The following FAM81B variants were observed in gnomAD, a reference collection of about 807,000 sequenced individuals.
FAM81B encodes protein FAM81B.
FAM81B carries 60 observed loss-of-function variants against 58.7 expected under a neutral mutation model. The observed-to-expected ratio is 1.02, with a 90% CI of 0.83 to 1.27. FAM81B has a LOEUF of 1.27. FAM81B is among the 50% of genes most tolerant of loss of function. FAM81B has a pLI of 0.00. For synonymous variants in FAM81B, 189 were observed against 179.6 expected (o/e 1.05, Z -0.42); for missense variants, 491 against 522.0 (o/e 0.94, Z 0.58).
chr5:95,423,683 C>T (rs1397128033), intron 5 of FAM81B, among the ~76,000 whole-genome samples: 1 of 151,854 alleles, frequency 6.6e-6, no homozygotes, highest in Non-Finnish European at 1.5e-5. Context: ...CCTCTTATTC[C>T]ACTCCTCTTA....
chr5:95,424,128 C>T, intron 5 of FAM81B: 2 of 1,289,826 alleles, frequency 1.6e-6, no homozygotes, highest in Non-Finnish European at 2.0e-6. Context: ...AGATTTGATA[C>T]TGCAAGCCTG....
chr5:95,407,624 GT>G (rs2152762240), intron 3 of FAM81B, among the ~76,000 whole-genome samples: 1 of 152,208 alleles, frequency 6.6e-6, no homozygotes, highest in Admixed American at 6.5e-5. Context: ...AAACCTAACT[GT>G]TTTTTGTCTG....
intron 3 of FAM81B, among the ~76,000 whole-genome samples, chr5:95,406,803 G>T (rs1213821234): frequency 6.6e-6 from 1 of 152,058 alleles, no homozygotes; most frequent in Non-Finnish European, 1.5e-5. Flanking sequence ...ACCATAGTCA[G>T]CCCGGGATTT....
intron 7 of FAM81B, among the ~76,000 whole-genome samples, chr5:95,441,706 A>T (rs1745360843): frequency 6.6e-6 from 1 of 152,214 alleles, no homozygotes; most frequent in Non-Finnish European, 1.5e-5. Context: ...TAAAAGCTAC[A>T]GTGTTTTCTG....
chr5:95,420,595 A>G (rs1014660490), intron 5 of FAM81B, among the ~76,000 whole-genome samples, 193 bp downstream of exon 5: 1 of 152,236 alleles, frequency 6.6e-6, no homozygotes, highest in Non-Finnish European at 1.5e-5. Context: ...AAGTTTCTGT[A>G]AAGACCCCTT....
chr5:95,440,496 T>C, intron 7 of FAM81B: 1 of 604,218 alleles, frequency 1.7e-6, no homozygotes, highest in East Asian at 3.8e-5. Context: ...AGGGTTTGCC[T>C]GTTGCTTTAG....
At chr5:95,440,482 A>G in intron 7 of FAM81B, 3 of 625,034 alleles carry the variant, frequency 4.8e-6, no homozygotes, top group Non-Finnish European at 6.2e-6. Flanking sequence ...GGCAAATCAA[A>G]CAGAGGGTTT....
chr5:95,435,278 T>C (rs1243941688), intron 6 of FAM81B, among the ~76,000 whole-genome samples: 2 of 152,188 alleles, frequency 1.3e-5, no homozygotes, highest in Non-Finnish European at 2.9e-5. Flanking sequence ...TTTGTTGCTT[T>C]TTTTTTACTC....
chr5:95,440,437 T>C (rs1745288752), intron 7 of FAM81B: 3 of 650,142 alleles, frequency 4.6e-6, no homozygotes, highest in South Asian at 1.4e-5. Flanking sequence ...ATTCGAATTT[T>C]GGTTCAGGAG....
intron 9 of FAM81B, chr5:95,448,741 T>C: frequency 2.1e-6 from 1 of 483,696 alleles, no homozygotes; most frequent in South Asian, 1.7e-5. Flanking sequence ...TTTTACTAAT[T>C]CATGGAATTG....
At chr5:95,418,087 G>A (rs111886118) in intron 4 of FAM81B, among the ~76,000 whole-genome samples, 1,779 of 152,182 alleles carry the variant, frequency 0.012, 39 homozygotes, top group African/African-American at 0.041. Flanking sequence ...GTGTTCAATC[G>A]TGTGCTGTTC....
intron 3 of FAM81B, among the ~76,000 whole-genome samples, chr5:95,407,409 C>G (rs535322454): frequency 1.4e-5 from 2 of 147,306 alleles, no homozygotes; most frequent in African/African-American, 5.1e-5. Flanking sequence ...CACACACACA[C>G]GCACACACAC....
chr5:95,394,157 T>G (rs1761903570), intron 2 of FAM81B, among the ~76,000 whole-genome samples: 1 of 152,240 alleles, frequency 6.6e-6, no homozygotes, highest in Non-Finnish European at 1.5e-5. Context: ...CCTCCATTGT[T>G]ATGCTTAACA....
At chr5:95,428,960 C>T (rs1488640047) in intron 6 of FAM81B, among the ~76,000 whole-genome samples, 2 of 152,132 alleles carry the variant, frequency 1.3e-5, no homozygotes, top group Non-Finnish European at 2.9e-5. Context: ...TCTAAGCATG[C>T]ACTGCTTGAG....
rs577803508 is a variant in FAM81B at position 95,415,244 on chromosome 5, C to G, written c.537+1054C>G. 2.6e-5 allele frequency among the ~76,000 whole-genome samples: 4 copies of G among 152,196 alleles called. No homozygotes were observed. In the South Asian group the frequency reaches 8.3e-4, roughly 32 times the overall value. On this transcript the variant is annotated intron_variant, in intron 4 of 9. Transcript: ENST00000283357. ...GATAGTGTACTTTAGGAAACTGGCC[C>G]AAAACTTGTGGAGTTATCATGAGAA...
rs149968849 is a variant in FAM81B, at chr5:95,407,511, T to C, written c.294-6436T>C. On this transcript the variant is annotated intron_variant, in intron 3 of 9. Transcript: ENST00000283357. ...AGTCTTCAACCACCATTTACTTCTC[T>C]GATAACATCCAAATCTCTGTCTTCA... 1.6e-3 allele frequency among the ~76,000 whole-genome samples: 238 copies of C among 152,338 alleles called. 3 individuals are homozygous for C. The highest frequency in any genetic ancestry group is 5.6e-3 in the African/African-American group (232 of 41,578).
rs146606564 is a variant in FAM81B at position 95,403,914 on chromosome 5, G to C, written c.293+7739G>C. ...TAGTTTGCCCCTCAGAAGGACATGG[G>C]GGACAGGAAGGATGAATCAAGTCAG... On this transcript the variant is annotated intron_variant, in intron 3 of 9. Transcript: ENST00000283357. 1.7e-4 allele frequency among the ~76,000 whole-genome samples: 26 copies of C among 152,308 alleles called. No individual in the cohort carries two copies. In the East Asian group the frequency reaches 4.0e-3, roughly 24 times the overall value.
chr5:95,413,869 G>A (rs1762466390), intron 3 of FAM81B, 78 bp from the exon 4 acceptor site: 11 of 1,520,760 alleles, frequency 7.2e-6, no homozygotes, highest in East Asian at 2.3e-5. Context: ...TCAGAAGTGA[G>A]GATTCTAGTT....
intron 3 of FAM81B, among the ~76,000 whole-genome samples, chr5:95,413,521 T>C (rs188222421): frequency 2.6e-5 from 4 of 152,348 alleles, no homozygotes; most frequent in East Asian, 1.9e-4. Context: ...TATTTGATCA[T>C]AGAATTCTTT....
Sources: allele counts gnomAD v4.1 joint callset (sites outside exome capture counted in the v4.1 genomes callset), GRCh38; gene constraint gnomAD v4.1.1; transcripts MANE v1.5; gene names NCBI Gene and HGNC (gene_info 2026-07-23, HGNC 2026-07-21).